L2HGDH: variants seen among roughly 807,000 people sequenced by gnomAD.
L2HGDH encodes L-2-hydroxyglutarate dehydrogenase, mitochondrial.
L2HGDH carries 34 observed loss-of-function variants against 51.5 expected under a neutral mutation model. That is an observed-to-expected ratio of 0.66 (90% CI 0.50 to 0.88). The LOEUF is 0.88. L2HGDH is among the 40% of genes least tolerant of loss of function. The pLI, the probability that L2HGDH is intolerant of heterozygous loss-of-function variation, is 0.00. For missense variants in L2HGDH, 558 were observed against 571.9 expected, an observed-to-expected ratio of 0.98 and a Z score of 0.25; for synonymous variants, 198 against 197.9, an observed-to-expected ratio of 1.00 and a Z score of -0.01.
chr14:50,245,089 G>A lies in L2HGDH; in HGVS notation c.*1969C>T, dbSNP rs1887939263. 1.3e-5 allele frequency: 13 copies of A among 985,810 alleles called. No homozygotes were observed. Among genetic ancestry groups the A allele is most frequent in the Admixed American group, 6.1e-5 (1 of 16,278 alleles). The allele number at this position is 985,810 out of a possible 1,614,324, so 61.1% of individuals were successfully genotyped here. A position where few individuals can be genotyped will look rare whatever the true frequency, so the allele number is the denominator to read the frequency against. The stretch of plus-strand genomic sequence containing the variant: ...CATCAACTTAAAATACTCATGAGGT[G>A]AATGTAAGGCACTTTCGCGGTTTAC... On this transcript the variant is annotated 3_prime_UTR_variant, in exon 10 of 10. Coordinates refer to ENST00000267436, the MANE Select transcript of L2HGDH (RefSeq NM_024884.3).
rs1280096140 is a variant in L2HGDH, at chr14:50,262,484, T to C, written c.1196+2874A>G. 4.0e-5 allele frequency among the ~76,000 whole-genome samples: 6 copies of C among 150,934 alleles called. No individual in the cohort carries two copies. The East Asian group carries it at 1.2e-3, about 29-fold the overall frequency. ...ATTTTTATTATTTAATATTTCAGGC[T>C]ATCACAAGGAAGAGAGACTAACACA... On this transcript the variant is annotated intron_variant, in intron 9 of 9. Coordinates refer to ENST00000267436, the MANE Select transcript of L2HGDH (RefSeq NM_024884.3).
chr14:50,293,084 G>C (rs2029868745), intron 4 of L2HGDH: 1 of 609,514 alleles, frequency 1.6e-6, no homozygotes, highest in African/African-American at 1.9e-5. Flanking sequence ...CTGCACTCTA[G>C]CCTGGGTGAC....
At chr14:50,252,864 T>G (rs943449508) in intron 9 of L2HGDH, among the ~76,000 whole-genome samples, 6 of 152,082 alleles carry the variant, frequency 3.9e-5, no homozygotes, top group African/African-American at 1.2e-4. Context: ...ACTTTCAGTA[T>G]TGGATAGATC....
At chr14:50,262,034 AT>A (rs1377695235) in intron 9 of L2HGDH, among the ~76,000 whole-genome samples, 1 of 152,186 alleles carries the variant, frequency 6.6e-6, no homozygotes, top group Admixed American at 6.5e-5. Context: ...CTATTTACTA[AT>A]GCCTGATGTG....
At chr14:50,308,642 C>T (rs1015928742) in intron 1 of L2HGDH, among the ~76,000 whole-genome samples, 14 of 152,310 alleles carry the variant, frequency 9.2e-5, no homozygotes, top group African/African-American at 3.4e-4. Context: ...CTGGATTACT[C>T]ACACATAGCT....
In L2HGDH at chr14:50,290,006, C is replaced by CT. The variant is rs1890784190; in HGVS notation, c.540+4108dup. Among the ~76,000 whole-genome samples the CT allele has an allele frequency of 2.0e-5, 3 of 152,318 alleles. No individual in the cohort carries two copies. The South Asian group carries it at 6.2e-4, about 32-fold the overall frequency. ...GTCGGCCAGGCGCAGTGGCTCACGC[C>CT]TGTAATCCTAGCACTTTGGGAGGCT... is the stretch of plus-strand genomic sequence containing the variant. On this transcript the variant is annotated intron_variant, in intron 4 of 9. Coordinates refer to ENST00000267436, the MANE Select transcript of L2HGDH (RefSeq NM_024884.3).
intron 3 of L2HGDH, among the ~76,000 whole-genome samples, chr14:50,295,669 AC>A (rs1156322486): frequency 2.5e-5 from 3 of 118,600 alleles, no homozygotes; most frequent in Non-Finnish European, 3.3e-5. Context: ...CAATCTACCC[AC>A]CTCGGCCTCC....
At chr14:50,311,989 G>A (rs1452983811) in intron 1 of L2HGDH, 22 bp downstream of exon 1, 2 of 1,551,034 alleles carry the variant, frequency 1.3e-6, no homozygotes, top group African/African-American at 1.4e-5. Flanking sequence ...GCAGGCGGCG[G>A]GGAGGACCAG....
At chr14:50,284,685 T>C in intron 4 of L2HGDH, among the ~76,000 whole-genome samples, 1 of 152,234 alleles carries the variant, frequency 6.6e-6, no homozygotes, top group East Asian at 1.9e-4. Context: ...TTGGTGATCA[T>C]TGTTAATAGC....
chr14:50,267,675 A>G (rs1889422627), intron 8 of L2HGDH, 78 bp downstream of exon 8: 3 of 1,065,916 alleles, frequency 2.8e-6, no homozygotes, highest in Non-Finnish European at 4.3e-6. Context: ...CCCAATAAGT[A>G]GAGTATCAAG....
chr14:50,250,821 A>C (rs1464405824), intron 9 of L2HGDH, among the ~76,000 whole-genome samples: 1 of 152,224 alleles, frequency 6.6e-6, no homozygotes, highest in Non-Finnish European at 1.5e-5. Flanking sequence ...TACCTCTACA[A>C]GTCTACAAAA....
At chr14:50,287,581 C>T (rs1193274179) in intron 4 of L2HGDH, among the ~76,000 whole-genome samples, 2 of 149,404 alleles carry the variant, frequency 1.3e-5, no homozygotes, top group East Asian at 3.9e-4. Context: ...GTTATCAATT[C>T]TTTCATTCTT....
intron 9 of L2HGDH, among the ~76,000 whole-genome samples, chr14:50,263,266 C>T (rs1205780371): frequency 6.6e-6 from 1 of 152,160 alleles, no homozygotes; most frequent in African/African-American, 2.4e-5. Context: ...AAGCAGATCA[C>T]TGAAAACATA....
chr14:50,308,731 T>C (rs775587860), intron 1 of L2HGDH, among the ~76,000 whole-genome samples: 2 of 152,220 alleles, frequency 1.3e-5, no homozygotes, highest in Non-Finnish European at 2.9e-5. Flanking sequence ...ATGGACTTAC[T>C]ACATGACTCA....
intron 5 of L2HGDH, among the ~76,000 whole-genome samples, chr14:50,281,422 G>C (rs1028144009): frequency 6.6e-6 from 1 of 151,852 alleles, no homozygotes; most frequent in Non-Finnish European, 1.5e-5. Flanking sequence ...GTGAAACCAC[G>C]TCTCTACTAA....
At chr14:50,269,364 A>C (rs1317072504) in intron 6 of L2HGDH, 34 bp from the exon 7 acceptor site, 2 of 1,602,516 alleles carry the variant, frequency 1.2e-6, no homozygotes, top group Non-Finnish European at 8.5e-7. Context: ...TATTTGTATA[A>C]AGTGGAGTAG....
chr14:50,265,684 C>A (rs375239621), intron 8 of L2HGDH, among the ~76,000 whole-genome samples, 195 bp from the exon 9 acceptor site: 2 of 152,116 alleles, frequency 1.3e-5, no homozygotes, highest in South Asian at 4.1e-4. Context: ...GAGGTCAAGG[C>A]GGGCGGAATA....
At chr14:50,273,817 A>G (rs1889824437) in intron 6 of L2HGDH, among the ~76,000 whole-genome samples, 1 of 152,236 alleles carries the variant, frequency 6.6e-6, no homozygotes, top group Non-Finnish European at 1.5e-5. Flanking sequence ...ACAGGGGCTC[A>G]CGCCTGTAAT....
At chr14:50,263,804 T>C (rs1300262359) in intron 9 of L2HGDH, among the ~76,000 whole-genome samples, 1 of 151,150 alleles carries the variant, frequency 6.6e-6, no homozygotes, top group Non-Finnish European at 1.5e-5. Context: ...AGACGGAGTT[T>C]TGCTCTTGTT....
Sources: allele counts gnomAD v4.1 joint callset (sites outside exome capture counted in the v4.1 genomes callset), GRCh38; gene constraint gnomAD v4.1.1; transcripts MANE v1.5; gene names NCBI Gene and HGNC (gene_info 2026-07-23, HGNC 2026-07-21).